The following CCSER1 variants were observed in gnomAD, a reference collection of about 807,000 sequenced individuals.
CCSER1 encodes coiled-coil serine rich protein 1.
Under a neutral mutation model 82.0 loss-of-function variants are expected in CCSER1, and 41 were observed. That is an observed-to-expected ratio of 0.50 (90% CI 0.39 to 0.65). CCSER1 has a LOEUF of 0.65. Among genes scored for constraint, CCSER1 ranks in the 30% least tolerant of loss-of-function variants. The pLI is 0.00. For missense variants in CCSER1, 1,119 were observed against 1,064.2 expected, an observed-to-expected ratio of 1.05 and a Z score of -0.72; for synonymous variants, 414 against 383.9, an observed-to-expected ratio of 1.08 and a Z score of -0.92.
At chr4:90,448,240 G>A (rs1167029690) in intron 4 of CCSER1, among the ~76,000 whole-genome samples, 4 of 151,356 alleles carry the variant, frequency 2.6e-5, no homozygotes, top group Non-Finnish European at 4.4e-5. Flanking sequence ...TCTTAGAATG[G>A]ATAACAACCA....
At chr4:90,695,909 C>G (rs566794169) in intron 6 of CCSER1, among the ~76,000 whole-genome samples, 12 of 151,782 alleles carry the variant, frequency 7.9e-5, no homozygotes, top group Non-Finnish European at 1.3e-4. Context: ...AGAGATGACA[C>G]AAAGAGCTAG....
chr4:91,343,363 A>G (rs533026343), intron 10 of CCSER1, among the ~76,000 whole-genome samples: 3 of 152,138 alleles, frequency 2.0e-5, no homozygotes, highest in Non-Finnish European at 4.4e-5. Flanking sequence ...CTTTAGCTAC[A>G]TGTTTTCCCT....
At chr4:91,295,903 G>T (rs1282834879) in intron 10 of CCSER1, among the ~76,000 whole-genome samples, 1 of 151,606 alleles carries the variant, frequency 6.6e-6, no homozygotes, top group Non-Finnish European at 1.5e-5. Context: ...ATTTTATGCA[G>T]AAAAAAATAC....
chr4:90,130,747 C>T (rs1578117505), intron 1 of CCSER1, among the ~76,000 whole-genome samples: 2 of 151,666 alleles, frequency 1.3e-5, no homozygotes, highest in South Asian at 2.1e-4. Flanking sequence ...CCTCAGCCTC[C>T]GGAGTAGTTG....
intron 10 of CCSER1, among the ~76,000 whole-genome samples, chr4:91,578,984 T>TA (rs1365137961): frequency 6.6e-6 from 1 of 151,824 alleles, no homozygotes; most frequent in African/African-American, 2.4e-5. Context: ...ACCTCATAGT[T>TA]AAAATCTGAG....
intron 7 of CCSER1, among the ~76,000 whole-genome samples, chr4:90,773,327 A>T (rs1366493107): frequency 6.6e-6 from 1 of 152,176 alleles, no homozygotes; most frequent in Non-Finnish European, 1.5e-5. Flanking sequence ...TTGACTTTAT[A>T]ATGCTTTTTG....
intron 6 of CCSER1, among the ~76,000 whole-genome samples, chr4:90,711,424 T>G (rs56048588): frequency 0.23 from 34,448 of 152,048 alleles, 4,935 homozygotes; most frequent in African/African-American, 0.4. Flanking sequence ...TCAAGAGGAA[T>G]GCTTCCAGCT....
At chr4:90,153,694 G>C (rs1161802448) in intron 1 of CCSER1, among the ~76,000 whole-genome samples, 1 of 152,182 alleles carries the variant, frequency 6.6e-6, no homozygotes, top group East Asian at 1.9e-4. Context: ...CTTTTGAGAA[G>C]TGTCTGTTCA....
In CCSER1 at chr4:90,331,749, C is replaced by A. The variant is rs138895659; in HGVS notation, c.1509+18702C>A. On this transcript the variant is annotated intron_variant, in intron 3 of 10. Coordinates refer to ENST00000509176, the MANE Select transcript of CCSER1 (RefSeq NM_001145065.2). ...TAAGTAAAGTGAGTCCAATGCATTT[C>A]TTCAGTGAACGTTGTGGACTACCAT... 1.5e-4 allele frequency among the ~76,000 whole-genome samples: 22 copies of A among 151,486 alleles called. No individual in the cohort carries two copies. The East Asian group carries it at 4.3e-3, about 29-fold the overall frequency.
At chr4:90,915,208 A>G (rs903236728) in intron 8 of CCSER1, among the ~76,000 whole-genome samples, 5 of 152,250 alleles carry the variant, frequency 3.3e-5, no homozygotes, top group African/African-American at 1.2e-4. Context: ...CAGAGACACA[A>G]CAGAAAAAGA....
intron 1 of CCSER1, among the ~76,000 whole-genome samples, chr4:90,298,053 G>A (rs1007935921): frequency 6.6e-6 from 1 of 152,116 alleles, no homozygotes; most frequent in African/African-American, 2.4e-5. Flanking sequence ...GATTGGAATA[G>A]TTTCAGGAGG....
At chr4:90,883,502 C>A (rs1721649253) in intron 8 of CCSER1, among the ~76,000 whole-genome samples, 1 of 150,268 alleles carries the variant, frequency 6.7e-6, no homozygotes, top group Non-Finnish European at 1.5e-5. Context: ...GCAAGAGATC[C>A]CTAAAGGATG....
At chr4:91,568,419 T>C (rs921155032) in intron 10 of CCSER1, among the ~76,000 whole-genome samples, 8 of 152,172 alleles carry the variant, frequency 5.3e-5, no homozygotes, top group African/African-American at 1.9e-4. Context: ...ATATTTTTCA[T>C]GGACGATATC....
intron 9 of CCSER1, among the ~76,000 whole-genome samples, chr4:90,988,975 G>A (rs62309790): frequency 0.026 from 4,017 of 151,802 alleles, 69 homozygotes; most frequent in African/African-American, 0.033. Flanking sequence ...GGAAAATGAA[G>A]TATTGAACAC....
intron 10 of CCSER1, among the ~76,000 whole-genome samples, chr4:91,521,128 T>C: frequency 6.6e-6 from 1 of 152,172 alleles, no homozygotes; most frequent in Non-Finnish European, 1.5e-5. Context: ...AGTGAGAACA[T>C]GCAGTGTTTG....
chr4:91,018,348 A>G (rs1199805668), intron 9 of CCSER1, among the ~76,000 whole-genome samples: 4 of 152,034 alleles, frequency 2.6e-5, no homozygotes, highest in African/African-American at 7.2e-5. Context: ...CAACTATCAA[A>G]TCGGGTTGAA....
chr4:90,930,407 C>G (rs961804500), intron 9 of CCSER1, among the ~76,000 whole-genome samples: 27 of 151,734 alleles, frequency 1.8e-4, no homozygotes, highest in Admixed American at 6.6e-5. Context: ...CGAGGCCATC[C>G]TGGCTAACAC....
At chr4:90,901,223 G>A (rs1339967698) in intron 8 of CCSER1, among the ~76,000 whole-genome samples, 1 of 151,626 alleles carries the variant, frequency 6.6e-6, no homozygotes, top group South Asian at 2.1e-4. Flanking sequence ...AGATGGTTGG[G>A]TCTCTCTTTT....
intron 5 of CCSER1, among the ~76,000 whole-genome samples, chr4:90,606,353 G>T (rs1486504055): frequency 6.6e-6 from 1 of 152,120 alleles, no homozygotes; most frequent in African/African-American, 2.4e-5. Context: ...TAACGCAGTT[G>T]TAATACAATG....
Sources: allele counts gnomAD v4.1 joint callset (sites outside exome capture counted in the v4.1 genomes callset), GRCh38; gene constraint gnomAD v4.1.1; transcripts MANE v1.5; gene names NCBI Gene and HGNC (gene_info 2026-07-23, HGNC 2026-07-21).